The following PRKG1 variants were observed in gnomAD, a reference collection of about 807,000 sequenced individuals.
PRKG1 encodes the protein cGMP-dependent protein kinase 1.
PRKG1 carries 35 observed loss-of-function variants against 88.1 expected under a neutral mutation model. That is an observed-to-expected ratio of 0.40 (90% CI 0.30 to 0.53). The LOEUF is 0.53. Among genes scored for constraint, PRKG1 ranks in the 20% least tolerant of loss-of-function variants. PRKG1 has a pLI of 0.59. For missense variants in PRKG1, 540 were observed against 839.8 expected (o/e 0.64, Z 4.41); for synonymous variants, 303 against 292.5 (o/e 1.04, Z -0.37).
At chr10:51,388,157 G>A (rs867679422) in intron 2 of PRKG1, among the ~76,000 whole-genome samples, 4 of 152,206 alleles carry the variant, frequency 2.6e-5, no homozygotes, top group Middle Eastern at 3.4e-3. Flanking sequence ...CCGTTACTAT[G>A]AGTTGGTGTT....
intron 9 of PRKG1, among the ~76,000 whole-genome samples, chr10:52,232,317 A>C (rs1387923504): frequency 6.6e-6 from 1 of 152,092 alleles, no homozygotes; most frequent in East Asian, 1.9e-4. Flanking sequence ...AAAACAAACA[A>C]AAAAACAAAA....
At chr10:51,867,809 G>C (rs2132849890) in intron 4 of PRKG1, among the ~76,000 whole-genome samples, 1 of 152,266 alleles carries the variant, frequency 6.6e-6, no homozygotes, top group Admixed American at 6.5e-5. Context: ...GAATTGAAAA[G>C]ACGTAAAGTA....
In PRKG1 at chr10:52,287,706, A is replaced by T. The variant is rs865976085; in HGVS notation, c.1710-1020A>T. ...TTCAAGGATGGATCAGTTAAAAAAA[A>T]AAAAAAAAAAAAAAATCAACAGATC... On this transcript the variant is annotated intron_variant, in intron 14 of 17. Coordinates refer to ENST00000373980, the MANE Select transcript of PRKG1 (RefSeq NM_006258.4). 3.4e-3 allele frequency among the ~76,000 whole-genome samples: 505 copies of T among 149,838 alleles called. 2 individuals are homozygous for T. Among genetic ancestry groups the T allele is most frequent in the Middle Eastern group, 6.9e-3 (2 of 288 alleles).
intron 7 of PRKG1, among the ~76,000 whole-genome samples, chr10:52,100,314 G>C (rs781353390): frequency 1.6e-4 from 24 of 152,232 alleles, no homozygotes; most frequent in Non-Finnish European, 2.6e-4. Flanking sequence ...ATCAGCAGCA[G>C]TGTTTGACTA....
intron 9 of PRKG1, among the ~76,000 whole-genome samples, chr10:52,184,537 T>C (rs527571506): frequency 6.6e-6 from 1 of 152,358 alleles, no homozygotes; most frequent in East Asian, 1.9e-4. Context: ...ATCTTAGCAA[T>C]GTTACAGCTA....
intron 2 of PRKG1, among the ~76,000 whole-genome samples, chr10:51,289,723 T>G (rs1840533315): frequency 6.6e-6 from 1 of 150,514 alleles, no homozygotes; most frequent in Admixed American, 6.6e-5. Flanking sequence ...GGTGGATGGG[T>G]GGGTGTGGGT....
chr10:51,754,287 T>C (rs948866331), intron 3 of PRKG1, among the ~76,000 whole-genome samples: 1 of 152,214 alleles, frequency 6.6e-6, no homozygotes, highest in African/African-American at 2.4e-5. Context: ...TCTTGATCTA[T>C]CCTGGGACTT....
At chr10:51,138,996 G>A (rs1001452936) in intron 1 of PRKG1, among the ~76,000 whole-genome samples, 5 of 152,030 alleles carry the variant, frequency 3.3e-5, no homozygotes, top group African/African-American at 4.8e-5. Flanking sequence ...TTTTTGAACA[G>A]GTGATGAGAC....
chr10:51,020,053 A>T (rs942202638), intron 1 of PRKG1, among the ~76,000 whole-genome samples: 3 of 152,228 alleles, frequency 2.0e-5, no homozygotes, highest in African/African-American at 7.2e-5. Flanking sequence ...GTTGCTGGGA[A>T]TGTAAAATGG....
chr10:51,966,435 C>T (rs1264066545), intron 5 of PRKG1, among the ~76,000 whole-genome samples: 9 of 152,018 alleles, frequency 5.9e-5, no homozygotes, highest in Admixed American at 2.6e-4. Context: ...CATGCTTTTT[C>T]TTTTTCCATG....
At chr10:51,991,243 T>C (rs1171108793) in intron 5 of PRKG1, among the ~76,000 whole-genome samples, 2 of 152,152 alleles carry the variant, frequency 1.3e-5, no homozygotes, top group East Asian at 3.9e-4. Flanking sequence ...GTGGGGTCTT[T>C]AGGGTTTTCA....
intron 4 of PRKG1, among the ~76,000 whole-genome samples, chr10:51,836,389 T>C (rs1298914530): frequency 6.6e-6 from 1 of 152,148 alleles, no homozygotes; most frequent in East Asian, 1.9e-4. Context: ...TTTATTGTTT[T>C]CTTGGCTGGC....
intron 2 of PRKG1, among the ~76,000 whole-genome samples, chr10:51,179,556 A>G (rs1017820637): frequency 3.9e-5 from 6 of 152,224 alleles, no homozygotes; most frequent in Non-Finnish European, 7.3e-5. Flanking sequence ...CCGCAGAACC[A>G]CTGGAAGGCT....
intron 1 of PRKG1, among the ~76,000 whole-genome samples, chr10:51,135,577 A>G: frequency 6.6e-6 from 1 of 152,200 alleles, no homozygotes; most frequent in East Asian, 1.9e-4. Flanking sequence ...AGAGTAGTTT[A>G]GAGAAGGTTT....
intron 7 of PRKG1, among the ~76,000 whole-genome samples, chr10:52,090,195 G>A (rs1471140859): frequency 1.3e-5 from 2 of 151,964 alleles, no homozygotes; most frequent in Non-Finnish European, 2.9e-5. Context: ...CCTGGGGTAG[G>A]AAATTATAAG....
chr10:51,518,775 A>AT (rs1841661180), intron 3 of PRKG1, among the ~76,000 whole-genome samples: 1 of 152,226 alleles, frequency 6.6e-6, no homozygotes, highest in Non-Finnish European at 1.5e-5. Flanking sequence ...CTGTGTCAAA[A>AT]TAAGAATGAC....
chr10:52,147,930 G>T (rs1427317662), intron 8 of PRKG1, among the ~76,000 whole-genome samples: 1 of 152,146 alleles, frequency 6.6e-6, no homozygotes, highest in Admixed American at 6.6e-5. Flanking sequence ...ACATGCATAT[G>T]ACACTGAGAA....
intron 3 of PRKG1, among the ~76,000 whole-genome samples, chr10:51,471,655 G>T (rs949317878): frequency 6.6e-6 from 1 of 151,806 alleles, no homozygotes; most frequent in Non-Finnish European, 1.5e-5. Context: ...ACAATGAGAG[G>T]GATTCAGTGA....
At chr10:51,082,696 T>C (rs1173257714) in intron 1 of PRKG1, among the ~76,000 whole-genome samples, 2 of 151,482 alleles carry the variant, frequency 1.3e-5, no homozygotes, top group Admixed American at 1.3e-4. Flanking sequence ...CTTTAAGCAC[T>C]AGGGGCCTGC....
Sources: allele counts gnomAD v4.1 joint callset (sites outside exome capture counted in the v4.1 genomes callset), GRCh38; gene constraint gnomAD v4.1.1; transcripts MANE v1.5; gene names NCBI Gene and HGNC (gene_info 2026-07-23, HGNC 2026-07-21).